The following ATP6V1G2 variants were observed in gnomAD, a reference collection of about 807,000 sequenced individuals.
The protein encoded by ATP6V1G2 is V-type proton ATPase subunit G 2.
A neutral mutation model predicts 17.8 loss-of-function variants in ATP6V1G2; 14 were observed. The observed-to-expected ratio is 0.79, with a 90% CI of 0.52 to 1.23. The LOEUF (loss-of-function observed/expected upper bound fraction) is 1.23, where lower values mean the gene tolerates loss of function less well. ATP6V1G2 is among the 50% of genes most tolerant of loss of function. The probability of loss-of-function intolerance (pLI) is 0.00; values close to 1 mark genes in which losing one functional copy is unlikely to be tolerated. For missense variants in ATP6V1G2, 112 were observed against 152.2 expected (o/e 0.74, Z 1.39); for synonymous variants, 57 against 54.8 (o/e 1.04, Z -0.17).
chr6:31,545,061 T>C lies in ATP6V1G2; in HGVS notation c.*347A>G. On this transcript the variant is annotated 3_prime_UTR_variant, in exon 3 of 3. Coordinates refer to ENST00000303892, the MANE Select transcript of ATP6V1G2 (RefSeq NM_130463.4). The surrounding 1 kb of genome is among the most constrained non-coding windows in gnomAD (Gnocchi z 4.9). ...GGCTACCAAGTTAAGTAGCTTGTCC[T>C]GGTTTCACAGCCAGCAAGTGACAGG... The C allele has an allele frequency of 2.3e-6, 1 of 437,536 alleles. No individual in the cohort carries two copies. Among genetic ancestry groups the C allele is most frequent in the Non-Finnish European group, 4.2e-6 (1 of 238,602 alleles). 27.1% of individuals were successfully genotyped at this position (437,536 alleles called of 1,614,324 possible).
Position 31,546,407 on chromosome 6 carries a change from C to T in ATP6V1G2, c.82+71G>A. ...TGTCTTCCCGCCAGCCTTGGGTTTT[C>T]CCAAAATGTTTGCTGTCCCCCACCC... On this transcript the variant is annotated intron_variant, in intron 1 of 2. Transcript: ENST00000303892. This position sits in a 1 kb window ranked among gnomAD's most constrained non-coding sequence, Gnocchi z 4.1. 6.6e-7 allele frequency: 1 copy of T among 1,516,280 alleles called. No individual in the cohort carries two copies. The highest frequency in any genetic ancestry group is 9.1e-7 in the Non-Finnish European group (1 of 1,103,038). The allele number at this position is 1,516,280 out of a possible 1,614,324, so 93.9% of individuals were successfully genotyped here.
chr6:31,546,017 C>T lies in ATP6V1G2; in HGVS notation c.183+92G>A. 7.8e-7 allele frequency: 1 copy of T among 1,284,780 alleles called. No individual in the cohort carries two copies. The highest frequency in any genetic ancestry group is 1.5e-5 in the African/African-American group (1 of 68,476). 79.6% of individuals were successfully genotyped at this position (1,284,780 alleles called of 1,614,324 possible). ...TCCCCTCAGCCTCAGCCCTCTGCCA[C>T]CATATTTTCTTGTTGAGTCACCCTT... is the stretch of plus-strand genomic sequence containing the variant. On this transcript the variant is annotated intron_variant, in intron 2 of 2. Transcript: ENST00000303892. The surrounding 1 kb of genome is among the most constrained non-coding windows in gnomAD (Gnocchi z 4.1).
chr6:31,545,450 G>C lies in ATP6V1G2; in HGVS notation c.315C>G (p.Asp105Glu). 6.2e-7 allele frequency: 1 copy of C among 1,614,010 alleles called. No individual in the cohort carries two copies. ...AGTTGGGGTGGACCTGGGGCCTGAC[G>C]TCGCAGACCATGCCAAGAAGCTGGG... ...VLAQLLGMVCDVRPQVHPNYR... is the reference protein window; with the variant it reads ...VLAQLLGMVCEVRPQVHPNYR... The change falls in exon 3 of 3, where the codon GAC (aspartate) becomes GAG (glutamate). Residue 105 changes from aspartate to glutamate, a missense_variant. Physicochemically the swap from Asp to Glu is conservative, Grantham distance 45 (BLOSUM62 2). Transcript: ENST00000303892. This position sits in a 1 kb window ranked among gnomAD's most constrained non-coding sequence, Gnocchi z 4.9.
In ATP6V1G2 at chr6:31,545,589, G is replaced by A. The variant is rs1314415201; in HGVS notation, c.184-8C>T. On this transcript the variant is annotated splice_polypyrimidine_tract_variant and splice_region_variant and intron_variant, in intron 2 of 2. Transcript: ENST00000303892. The surrounding 1 kb of genome is among the most constrained non-coding windows in gnomAD (Gnocchi z 4.9). ...CCCCTGGGAGCCCATGGCCTGGGGG[G>A]TAGGGAGAGGGGTGGAAGAGAGAAA... is the stretch of plus-strand genomic sequence containing the variant. The A allele has an allele frequency of 1.9e-6, 3 of 1,613,294 alleles. No homozygotes were observed. The highest frequency in any genetic ancestry group is 1.7e-5 in the Admixed American group (1 of 59,908).
At position 31,546,536 on chromosome 6, in the gene ATP6V1G2, G is replaced by T. The variant is rs758073146; in HGVS notation, c.24C>A (p.Ile8=). The change falls in exon 1 of 3, where the codon ATC becomes ATA. Residue 8 remains isoleucine (I), a synonymous_variant. Transcript: ENST00000303892. The surrounding 1 kb of genome is among the most constrained non-coding windows in gnomAD (Gnocchi z 4.1). MASQSQG[I]QQLLQAEKRA... ...GCTTCTCAGCTTGCAGAAGCTGCTGGATACCTTGGGACTGACTGGCCATTT... is the reference window on the plus strand; with the variant it reads ...GCTTCTCAGCTTGCAGAAGCTGCTGTATACCTTGGGACTGACTGGCCATTT... The T allele has an allele frequency of 2.5e-6, 4 of 1,614,030 alleles. No individual in the cohort carries two copies. The South Asian group carries it at 4.4e-5, about 18-fold the overall frequency.
chr6:31,546,471 G>T lies in ATP6V1G2; in HGVS notation c.82+7C>A. 1 of 1,611,910 alleles carries T rather than the reference G, an allele frequency of 6.2e-7. No individual in the cohort carries two copies. The highest frequency in any genetic ancestry group is 8.5e-7 in the Non-Finnish European group (1 of 1,178,136). On this transcript the variant is annotated splice_region_variant and intron_variant, in intron 1 of 2. Coordinates refer to ENST00000303892, the MANE Select transcript of ATP6V1G2 (RefSeq NM_130463.4). The surrounding 1 kb of genome is among the most constrained non-coding windows in gnomAD (Gnocchi z 4.1). ...CAAACTCCTAAGGGAGGAAAGAGGA[G>T]ACTCACTCTTTCTGGCATCTGCCAC...
In ATP6V1G2 at chr6:31,544,600, T is replaced by C. The variant is rs1768808785; in HGVS notation, c.*808A>G. The C allele has an allele frequency of 2.4e-6, 1 of 418,572 alleles. No individual in the cohort carries two copies. The highest frequency in any genetic ancestry group is 4.7e-6 in the Non-Finnish European group (1 of 210,678). 25.9% of individuals were successfully genotyped at this position (418,572 alleles called of 1,614,324 possible). A position where few individuals can be genotyped will look rare whatever the true frequency, so the allele number is the denominator to read the frequency against. ...TAGATCTTAGAAAGCAATGAGCATC[T>C]GATAAGTCTTTGGGGAAATAGGAAA... On this transcript the variant is annotated 3_prime_UTR_variant, in exon 3 of 3. Transcript: ENST00000303892.
chr6:31,544,722 A>G lies in ATP6V1G2; in HGVS notation c.*686T>C, dbSNP rs1464519196. ...CCTGGAATTATAAGAGAGGGGCTAA[A>G]TGTAGTCATCTCCTCTTTTTGGAGA... is the stretch of plus-strand genomic sequence containing the variant. On this transcript the variant is annotated 3_prime_UTR_variant, in exon 3 of 3. Coordinates refer to ENST00000303892, the MANE Select transcript of ATP6V1G2 (RefSeq NM_130463.4). 8.8e-6 allele frequency: 4 copies of G among 456,660 alleles called. No homozygotes were observed. Among genetic ancestry groups the G allele is most frequent in the Non-Finnish European group, 1.8e-5 (4 of 226,988 alleles). 28.3% of individuals were successfully genotyped at this position (456,660 alleles called of 1,614,324 possible). A position where few individuals can be genotyped will look rare whatever the true frequency, so the allele number is the denominator to read the frequency against.
chr6:31,545,770 A>T lies in ATP6V1G2; in HGVS notation c.184-189T>A. The T allele has an allele frequency of 1.5e-6, 1 of 666,660 alleles. No homozygotes were observed. The highest frequency in any genetic ancestry group is 2.5e-6 in the Non-Finnish European group (1 of 397,238). 41.3% of individuals were successfully genotyped at this position (666,660 alleles called of 1,614,324 possible). A position where few individuals can be genotyped will look rare whatever the true frequency, so the allele number is the denominator to read the frequency against. The stretch of plus-strand genomic sequence containing the variant: ...AGTCCCCTTTCCCCTTAGACCTAAC[A>T]TGCAACTTCATCCTAAAACAGACCG... On this transcript the variant is annotated intron_variant, in intron 2 of 2. Coordinates refer to ENST00000303892, the MANE Select transcript of ATP6V1G2 (RefSeq NM_130463.4). This position sits in a 1 kb window ranked among gnomAD's most constrained non-coding sequence, Gnocchi z 4.9.
chr6:31,546,620 C>T, upstream of ATP6V1G2: 2 of 1,492,808 alleles, frequency 1.3e-6, no homozygotes, highest in Non-Finnish European at 1.9e-6. The surrounding 1 kb of genome is among the most constrained non-coding windows in gnomAD (Gnocchi z 4.1). Flanking sequence ...GCTCCCACCC[C>T]CCACCGCTTA....
chr6:31,545,381 CAGA>C lies in ATP6V1G2; in HGVS notation c.*24_*26del, dbSNP rs1768882373. 6 of 1,606,890 alleles carry C rather than the reference CAGA, an allele frequency of 3.7e-6. No homozygotes were observed. Among genetic ancestry groups the C allele is most frequent in the Non-Finnish European group, 5.1e-6 (6 of 1,175,778 alleles). Reference sequence around the variant, plus strand: ...GGATTTCTTTGAGGGAGGGAACTGGCAGAAGGAGTCAGGCCCTACGGTGGCCCT... The same window carrying C: ...GGATTTCTTTGAGGGAGGGAACTGGCAGGAGTCAGGCCCTACGGTGGCCCT... On this transcript the variant is annotated 3_prime_UTR_variant, in exon 3 of 3. Coordinates refer to ENST00000303892, the MANE Select transcript of ATP6V1G2 (RefSeq NM_130463.4). The surrounding 1 kb of genome is among the most constrained non-coding windows in gnomAD (Gnocchi z 4.9).
Position 31,544,675 on chromosome 6 carries a change from G to A in ATP6V1G2, c.*733C>T. 4.4e-6 allele frequency: 2 copies of A among 454,782 alleles called. No homozygotes were observed. Among genetic ancestry groups the A allele is most frequent in the South Asian group, 3.1e-5 (2 of 64,142 alleles). 28.2% of individuals were successfully genotyped at this position (454,782 alleles called of 1,614,324 possible). ...GATCAGCAAAAGAAAAACAAAGAGA[G>A]GCTACAAAATGCAGTTATCTACCTG... On this transcript the variant is annotated 3_prime_UTR_variant, in exon 3 of 3. Transcript: ENST00000303892.
Position 31,546,387 on chromosome 6 carries a change from TC to T in ATP6V1G2, c.82+90del. The T allele has an allele frequency of 2.0e-5, 25 of 1,261,272 alleles. No homozygotes were observed. Among genetic ancestry groups the T allele is most frequent in the South Asian group, 5.2e-5 (4 of 76,342 alleles). 78.1% of individuals were successfully genotyped at this position (1,261,272 alleles called of 1,614,324 possible). On this transcript the variant is annotated intron_variant, in intron 1 of 2. Transcript: ENST00000303892. The surrounding 1 kb of genome is among the most constrained non-coding windows in gnomAD (Gnocchi z 4.1). ...GCCTCCAGACCCTAGCTGTCTGTCTTCCCGCCAGCCTTGGGTTTTCCCAAAA... is the reference window on the plus strand; with the variant it reads ...GCCTCCAGACCCTAGCTGTCTGTCTTCCGCCAGCCTTGGGTTTTCCCAAAA...
rs2150356390 is a variant in ATP6V1G2 at position 31,546,382 on chromosome 6, TGTC to T, written c.82+93_82+95del. 1.8e-5 allele frequency: 24 copies of T among 1,360,698 alleles called. No homozygotes were observed. The highest frequency in any genetic ancestry group is 4.9e-5 in the South Asian group (4 of 81,780). 84.3% of individuals were successfully genotyped at this position (1,360,698 alleles called of 1,614,324 possible). ...AACCAGCCTCCAGACCCTAGCTGTC[TGTC>T]TTCCCGCCAGCCTTGGGTTTTCCCA... On this transcript the variant is annotated intron_variant, in intron 1 of 2. Coordinates refer to ENST00000303892, the MANE Select transcript of ATP6V1G2 (RefSeq NM_130463.4). The surrounding 1 kb of genome is among the most constrained non-coding windows in gnomAD (Gnocchi z 4.1).
At position 31,546,281 on chromosome 6, in the gene ATP6V1G2, C is replaced by A. The variant is rs114066913; in HGVS notation, c.83-72G>T. 7.2e-3 allele frequency: 10,601 copies of A among 1,469,732 alleles called. 63 individuals are homozygous for A. Among genetic ancestry groups the A allele is most frequent in the Middle Eastern group, 0.019 (110 of 5,806 alleles). The allele number at this position is 1,469,732 out of a possible 1,614,324, so 91.0% of individuals were successfully genotyped here. Reference sequence around the variant, plus strand: ...CACAATGTAATAGCAGGAGTCAGTCCCTTCCAGAAAGTTATACAGCCTTCT... The same window carrying A: ...CACAATGTAATAGCAGGAGTCAGTCACTTCCAGAAAGTTATACAGCCTTCT... On this transcript the variant is annotated intron_variant, in intron 1 of 2. Coordinates refer to ENST00000303892, the MANE Select transcript of ATP6V1G2 (RefSeq NM_130463.4). The surrounding 1 kb of genome is among the most constrained non-coding windows in gnomAD (Gnocchi z 4.1).
Position 31,546,592 on chromosome 6 carries a change from C to G in ATP6V1G2, c.-33G>C. ...GTTATGGCCGATGCTGTTTTGAATG[C>G]TGTCAAAGTACCAGATGGCTCCCAC... On this transcript the variant is annotated 5_prime_UTR_variant, in exon 1 of 3. Coordinates refer to ENST00000303892, the MANE Select transcript of ATP6V1G2 (RefSeq NM_130463.4). This position sits in a 1 kb window ranked among gnomAD's most constrained non-coding sequence, Gnocchi z 4.1. 1 of 1,598,270 alleles carries G rather than the reference C, an allele frequency of 6.3e-7. No individual in the cohort carries two copies. The highest frequency in any genetic ancestry group is 8.6e-7 in the Non-Finnish European group (1 of 1,167,614).
At chr6:31,546,673 TGGGTCTTA>T (rs1769027479), upstream of ATP6V1G2, 12 of 879,788 alleles carry the variant, frequency 1.4e-5, no homozygotes, top group Admixed American at 1.7e-4. The surrounding 1 kb of genome is among the most constrained non-coding windows in gnomAD (Gnocchi z 4.1). Flanking sequence ...CCACTACCCC[TGGGTCTTA>T]GTGCTCCCCT....
In ATP6V1G2 at chr6:31,546,166, C is replaced by T. The variant is rs897522626; in HGVS notation, c.126G>A (p.Met42Ile). Residue 42 changes from methionine (M) to isoleucine (I), a missense_variant, in exon 2 of 3, where the codon ATG becomes ATA. Met to Ile is a conservative substitution (Grantham distance 10, BLOSUM62 1). Coordinates refer to ENST00000303892, the MANE Select transcript of ATP6V1G2 (RefSeq NM_130463.4). This position sits in a 1 kb window ranked among gnomAD's most constrained non-coding sequence, Gnocchi z 4.1. ...RLKQAKEEAQMEVEQYRRERE... is the reference protein window; with the variant it reads ...RLKQAKEEAQIEVEQYRRERE... The stretch of plus-strand genomic sequence containing the variant: ...GCTCTCTGCGGTATTGCTCCACCTC[C>T]ATCTGTGCCTCCTCCTTTGCCTGCT... 1 of 1,614,004 alleles carries T rather than the reference C, an allele frequency of 6.2e-7. No homozygotes were observed. The highest frequency in any genetic ancestry group is 1.3e-5 in the African/African-American group (1 of 74,914).
rs764997027 is a variant in ATP6V1G2 at position 31,544,663 on chromosome 6, AAAAC to A, written c.*741_*744del. 8.8e-5 allele frequency: 40 copies of A among 452,446 alleles called. No individual in the cohort carries two copies. The highest frequency in any genetic ancestry group is 6.5e-4 in the Middle Eastern group (2 of 3,054). 28.0% of individuals were successfully genotyped at this position (452,446 alleles called of 1,614,324 possible). ...AATAAAGACAAAGATCAGCAAAAGA[AAAAC>A]AAAGAGAGGCTACAAAATGCAGTTA... On this transcript the variant is annotated 3_prime_UTR_variant, in exon 3 of 3. Transcript: ENST00000303892.
Sources: gnomAD v4.1 joint callset for allele counts on GRCh38, gnomAD v4.1.1 for gene constraint, Gnocchi (gnomAD v3.1) non-coding constraint, MANE v1.5 for transcripts, NCBI Gene and HGNC (gene_info 2026-07-23, HGNC 2026-07-21) for gene names.